Variants in RBM26 observed in about 807,000 individuals in gnomAD.
RBM26 encodes RNA binding motif protein 26.
RBM26 carries 30 observed loss-of-function variants against 123.6 expected under a neutral mutation model. The ratio of observed to expected loss-of-function variants is 0.24; its 90% CI spans 0.18 to 0.33. The LOEUF is 0.33. Ranked by LOEUF, RBM26 falls within the 10% of genes least tolerant of loss-of-function variation. RBM26 has a pLI of 1.00. For missense variants in RBM26, 947 were observed against 1,203.6 expected (o/e 0.79, Z 3.15); for synonymous variants, 400 against 404.4 (o/e 0.99, Z 0.13).
chr13:79,325,475 G>C (rs1462866413), intron 20 of RBM26, among the ~76,000 whole-genome samples: 1 of 152,010 alleles, frequency 6.6e-6, no homozygotes, highest in East Asian at 1.9e-4. Flanking sequence ...GTATGTGTTT[G>C]TGTCTTAGTT....
At chr13:79,372,714 T>A (rs982917023) in intron 3 of RBM26, among the ~76,000 whole-genome samples, 1 of 142,502 alleles carries the variant, frequency 7.0e-6, no homozygotes, top group Non-Finnish European at 1.5e-5. Context: ...TATAAATATA[T>A]ATTTACATAT....
At chr13:79,363,484 C>T (rs1403701858) in intron 9 of RBM26, among the ~76,000 whole-genome samples, 1 of 152,034 alleles carries the variant, frequency 6.6e-6, no homozygotes, top group Non-Finnish European at 1.5e-5. Flanking sequence ...TTGTTTGGTA[C>T]ATAAAATCAC....
chr13:79,374,100 C>G (rs754307305), intron 3 of RBM26, among the ~76,000 whole-genome samples: 1 of 152,040 alleles, frequency 6.6e-6, no homozygotes, highest in Non-Finnish European at 1.5e-5. Context: ...AGGTAGTCTA[C>G]GCACAGGGTA....
chr13:79,377,099 G>A, intron 3 of RBM26: 1 of 288,132 alleles, frequency 3.5e-6, no homozygotes, highest in Non-Finnish European at 6.6e-6. Context: ...AGCACATCCT[G>A]TGCAACTCTG....
At chr13:79,341,560 C>T (rs772613776) in intron 17 of RBM26, among the ~76,000 whole-genome samples, 7 of 151,726 alleles carry the variant, frequency 4.6e-5, no homozygotes, top group Non-Finnish European at 1.0e-4. Context: ...ATGAGCAATA[C>T]AGAGTATGTT....
At chr13:79,340,065 A>G (rs981781454) in intron 18 of RBM26, among the ~76,000 whole-genome samples, 4 of 152,130 alleles carry the variant, frequency 2.6e-5, no homozygotes, top group South Asian at 2.1e-4. Flanking sequence ...TTTGAAAATG[A>G]TATTTTGTTT....
chr13:79,350,935 TA>T (rs1475728217), intron 14 of RBM26, among the ~76,000 whole-genome samples: 1 of 152,188 alleles, frequency 6.6e-6, no homozygotes, highest in African/African-American at 2.4e-5. Context: ...AAAAGTTACA[TA>T]CTTACTGTTT....
intron 20 of RBM26, among the ~76,000 whole-genome samples, chr13:79,324,651 T>C (rs1332602842): frequency 2.0e-5 from 3 of 151,920 alleles, no homozygotes; most frequent in Non-Finnish European, 2.9e-5. Context: ...TTACCAATAT[T>C]TTCCTTTATG....
At chr13:79,325,494 A>G (rs1207050682) in intron 20 of RBM26, among the ~76,000 whole-genome samples, 3 of 152,172 alleles carry the variant, frequency 2.0e-5, no homozygotes, top group Non-Finnish European at 2.9e-5. Flanking sequence ...TTTTTAATTA[A>G]AAGTTTAAAA....
chr13:79,402,225 C>G (rs904235109), intron 1 of RBM26, among the ~76,000 whole-genome samples: 3 of 151,746 alleles, frequency 2.0e-5, no homozygotes, highest in Non-Finnish European at 2.9e-5. Flanking sequence ...GCAAGTATGA[C>G]TAAGCAAATC....
chr13:79,359,275 T>C (rs558181036), intron 10 of RBM26, among the ~76,000 whole-genome samples: 1 of 152,176 alleles, frequency 6.6e-6, no homozygotes, highest in African/African-American at 2.4e-5. Context: ...GAGAGGCTCA[T>C]GACTATCCTG....
intron 9 of RBM26, among the ~76,000 whole-genome samples, chr13:79,363,093 G>A (rs189391303): frequency 6.6e-6 from 1 of 152,106 alleles, no homozygotes; most frequent in African/African-American, 2.4e-5. Context: ...TTAGAACTCT[G>A]CAAAAAATAA....
At chr13:79,329,928 G>C (rs1000213099) in intron 20 of RBM26, among the ~76,000 whole-genome samples, 1 of 152,040 alleles carries the variant, frequency 6.6e-6, no homozygotes, top group African/African-American at 2.4e-5. Context: ...CAAACCTCTA[G>C]AAACTGGTTC....
chr13:79,401,320 T>C (rs978583854), intron 1 of RBM26, among the ~76,000 whole-genome samples: 5 of 152,196 alleles, frequency 3.3e-5, no homozygotes, highest in South Asian at 2.1e-4. Flanking sequence ...TTTACAATAG[T>C]AGCCAATACT....
rs1476641254 is a variant in RBM26 at position 79,371,695 on chromosome 13, T to C, written c.416+147A>G. 1.8e-5 allele frequency: 11 copies of C among 609,050 alleles called. No homozygotes were observed. In the South Asian group the frequency reaches 1.9e-4, roughly 10 times the overall value. The allele number at this position is 609,050 out of a possible 1,614,324, so 37.7% of individuals were successfully genotyped here. On this transcript the variant is annotated intron_variant, in intron 4 of 21. Coordinates refer to ENST00000438737, the MANE Select transcript of RBM26 (RefSeq NM_001366735.2). ...TCTACAAATCTGACCTAGATTTTCA[T>C]GGTAGAAACGGACCTAGTTATATTT...
At chr13:79,336,655 A>G (rs2070464813) in intron 19 of RBM26, among the ~76,000 whole-genome samples, 1 of 152,210 alleles carries the variant, frequency 6.6e-6, no homozygotes, top group South Asian at 2.1e-4. Context: ...ACATCCTGAC[A>G]CTGACGGAGG....
At chr13:79,361,278 C>T (rs2074654557) in intron 9 of RBM26, among the ~76,000 whole-genome samples, 1 of 152,114 alleles carries the variant, frequency 6.6e-6, no homozygotes, top group Admixed American at 6.6e-5. Context: ...CTCTAGACTC[C>T]TGCTGCTTTC....
chr13:79,393,414 C>A (rs780301509), intron 1 of RBM26, among the ~76,000 whole-genome samples: 1 of 152,176 alleles, frequency 6.6e-6, no homozygotes, highest in Non-Finnish European at 1.5e-5. Context: ...TTCACTCCTG[C>A]GCTAAAACTT....
chr13:79,361,127 T>TTTTCA (rs1262911443), intron 9 of RBM26, among the ~76,000 whole-genome samples: 4 of 152,160 alleles, frequency 2.6e-5, no homozygotes, highest in Non-Finnish European at 4.4e-5. Flanking sequence ...AACGTTCAAA[T>TTTTCA]TATTTTCATA....
Sources: allele counts gnomAD v4.1 joint callset (sites outside exome capture counted in the v4.1 genomes callset), GRCh38; gene constraint gnomAD v4.1.1; transcripts MANE v1.5; gene names NCBI Gene and HGNC (gene_info 2026-07-23, HGNC 2026-07-21).